Variants in SEPTIN10 observed in about 807,000 individuals in gnomAD.
The protein encoded by SEPTIN10 is septin-10.
A neutral mutation model predicts 54.8 loss-of-function variants in SEPTIN10; 66 were observed. The ratio of observed to expected loss-of-function variants is 1.21; its 90% CI spans 0.99 to 1.48. The LOEUF (loss-of-function observed/expected upper bound fraction) is 1.48, where lower values mean the gene tolerates loss of function less well. SEPTIN10 is among the 40% of genes most tolerant of loss of function. The pLI is 0.00. For missense variants in SEPTIN10, 620 were observed against 545.6 expected, an observed-to-expected ratio of 1.14 and a Z score of -1.36; for synonymous variants, 161 against 181.0, an observed-to-expected ratio of 0.89 and a Z score of 0.89.
chr2:109,612,106 A>G (rs367590384), intron 1 of SEPTIN10, among the ~76,000 whole-genome samples: 3 of 152,202 alleles, frequency 2.0e-5, no homozygotes, highest in East Asian at 3.8e-4. Flanking sequence ...ACTGTGGCAC[A>G]ATCATACCAT....
At chr2:109,606,510 T>A (rs1423401858) in intron 1 of SEPTIN10, among the ~76,000 whole-genome samples, 1 of 152,172 alleles carries the variant, frequency 6.6e-6, no homozygotes. Flanking sequence ...ATTACCATAG[T>A]GGACATAGTT....
intron 10 of SEPTIN10, chr2:109,544,712 A>G: frequency 1.2e-6 from 1 of 847,156 alleles, no homozygotes; most frequent in Non-Finnish European, 1.4e-6. Flanking sequence ...GTTGAAAAGC[A>G]GTAATAAATT....
At chr2:109,596,571 C>T (rs530973815) in intron 1 of SEPTIN10, among the ~76,000 whole-genome samples, 2 of 151,378 alleles carry the variant, frequency 1.3e-5, no homozygotes, top group Non-Finnish European at 2.9e-5. Context: ...GAGCAGAGAT[C>T]GCGCCGCTGC....
Position 109,565,900 on chromosome 2 carries a change from ATAAC to A in SEPTIN10, c.763-45_763-42del, listed in dbSNP as rs767252932. 77 of 1,467,232 alleles carry A rather than the reference ATAAC, an allele frequency of 5.2e-5. No homozygotes were observed. The Admixed American group carries it at 1.3e-3, about 24-fold the overall frequency. 90.9% of individuals were successfully genotyped at this position (1,467,232 alleles called of 1,614,324 possible). On this transcript the variant is annotated intron_variant, in intron 6 of 10. Coordinates refer to ENST00000397712, the MANE Select transcript of SEPTIN10 (RefSeq NM_144710.5). ...GAGCACATCTTCTCATACCACTGTG[ATAAC>A]TGACTAGATAAAATAAATTTTATGT...
rs756892026 is a variant in SEPTIN10 at position 109,567,939 on chromosome 2, A to G, written c.638T>C (p.Val213Ala). The G allele has an allele frequency of 6.2e-7, 1 of 1,613,638 alleles. No individual in the cohort carries two copies. The highest frequency in any genetic ancestry group is 8.5e-7 in the Non-Finnish European group (1 of 1,179,844). Reference protein sequence around the residue: ...IIPVIAKADTVSKTELQKFKI... With the variant: ...IIPVIAKADTASKTELQKFKI... ...AAACTTCTGTAATTCAGTTTTAGAA[A>G]CCGTATCTGCTTTGGCAATCACTGG... The change falls in exon 6 of 11, where the codon GTT (valine) becomes GCT (alanine). Residue 213 changes from valine to alanine, a missense_variant. Coordinates refer to ENST00000397712, the MANE Select transcript of SEPTIN10 (RefSeq NM_144710.5).
At chr2:109,584,351 T>C (rs1035835382) in intron 4 of SEPTIN10, among the ~76,000 whole-genome samples, 5 of 151,800 alleles carry the variant, frequency 3.3e-5, no homozygotes, top group Admixed American at 6.6e-5. Flanking sequence ...GGCAGGTGCC[T>C]GTAATCCTAG....
At chr2:109,562,911 C>CA (rs1686040546) in intron 8 of SEPTIN10, among the ~76,000 whole-genome samples, 1 of 145,858 alleles carries the variant, frequency 6.9e-6, no homozygotes, top group East Asian at 2.0e-4. Flanking sequence ...ACACACAATG[C>CA]TTTTTTTTTT....
intron 5 of SEPTIN10, 114 bp from the exon 6 acceptor site, chr2:109,568,090 C>A (rs543070725): frequency 1.3e-6 from 1 of 795,784 alleles, no homozygotes; most frequent in South Asian, 2.0e-5. Flanking sequence ...AAACCTAGAT[C>A]GGGGGGCTGG....
chr2:109,581,914 C>G (rs1489748722), intron 4 of SEPTIN10, among the ~76,000 whole-genome samples: 1 of 152,080 alleles, frequency 6.6e-6, no homozygotes, highest in African/African-American at 2.4e-5. Context: ...AATTTCATAC[C>G]TAGACAACTC....
intron 1 of SEPTIN10, among the ~76,000 whole-genome samples, chr2:109,609,338 G>C (rs903629428): frequency 6.6e-6 from 1 of 151,902 alleles, no homozygotes; most frequent in Non-Finnish European, 1.5e-5. Flanking sequence ...AGGATACAAA[G>C]AATAATACAG....
In SEPTIN10 at chr2:109,593,198, A is replaced by G. The variant is rs567612073; in HGVS notation, c.31-79T>C. On this transcript the variant is annotated intron_variant, in intron 1 of 10. Coordinates refer to ENST00000397712, the MANE Select transcript of SEPTIN10 (RefSeq NM_144710.5). ...CCCATTATCTGAATAATATATTTACATGAATAAGGTGTTATAATAATGTTG... is the reference window on the plus strand; with the variant it reads ...CCCATTATCTGAATAATATATTTACGTGAATAAGGTGTTATAATAATGTTG... 1.7e-5 allele frequency: 15 copies of G among 882,130 alleles called. No individual in the cohort carries two copies. The South Asian group carries it at 2.0e-4, about 12-fold the overall frequency. 54.6% of individuals were successfully genotyped at this position (882,130 alleles called of 1,614,324 possible).
chr2:109,585,712 G>A lies in SEPTIN10; in HGVS notation c.217+9C>T, dbSNP rs1573687423. ...GGAACAACTTAGAGGAAGAGTAGGTGGCACGTACCCACACAGAGAATATTA... is the reference window on the plus strand; with the variant it reads ...GGAACAACTTAGAGGAAGAGTAGGTAGCACGTACCCACACAGAGAATATTA... On this transcript the variant is annotated intron_variant, in intron 3 of 10. Coordinates refer to ENST00000397712, the MANE Select transcript of SEPTIN10 (RefSeq NM_144710.5). 6.4e-7 allele frequency: 1 copy of A among 1,571,008 alleles called. No homozygotes were observed. Among genetic ancestry groups the A allele is most frequent in the South Asian group, 1.1e-5 (1 of 90,196 alleles).
intron 9 of SEPTIN10, among the ~76,000 whole-genome samples, chr2:109,551,937 G>C (rs576896301): frequency 2.0e-5 from 3 of 152,138 alleles, no homozygotes; most frequent in African/African-American, 7.2e-5. Context: ...TAGACCAGGG[G>C]TCCCCAATCC....
intron 1 of SEPTIN10, chr2:109,605,032 C>T (rs897852019): frequency 6.6e-6 from 1 of 152,136 alleles, no homozygotes; most frequent in African/African-American, 2.4e-5. Flanking sequence ...TTGGATCCCT[C>T]AAAGAACTTT....
chr2:109,545,397 C>G, intron 10 of SEPTIN10: 2 of 1,535,244 alleles, frequency 1.3e-6, no homozygotes, highest in Non-Finnish European at 1.7e-6. Flanking sequence ...CAAACCTACA[C>G]GCCTTGCGAT....
intron 1 of SEPTIN10, 120 bp downstream of exon 1, chr2:109,613,678 G>C: frequency 1.5e-6 from 1 of 657,676 alleles, no homozygotes; most frequent in Non-Finnish European, 2.1e-6. Context: ...GGGCGGGCGG[G>C]GCCGGAGGGG....
intron 8 of SEPTIN10, among the ~76,000 whole-genome samples, chr2:109,562,370 G>GC: frequency 6.7e-6 from 1 of 149,044 alleles, no homozygotes. Flanking sequence ...ACTTCCACCT[G>GC]CCCCCCTCCC....
intron 1 of SEPTIN10, among the ~76,000 whole-genome samples, chr2:109,609,622 A>G (rs1698792231): frequency 6.6e-6 from 1 of 151,800 alleles, no homozygotes; most frequent in South Asian, 2.1e-4. Context: ...CCTCAAAAAA[A>G]AAAAAAAAAA....
intron 4 of SEPTIN10, among the ~76,000 whole-genome samples, chr2:109,581,312 C>T (rs1305176233): frequency 1.3e-5 from 2 of 152,028 alleles, no homozygotes; most frequent in Non-Finnish European, 2.9e-5. Context: ...TAGCGGGCAC[C>T]TGTAATCCCA....
Sources: gnomAD v4.1 joint callset for allele counts (sites outside exome capture counted in the v4.1 genomes callset) on GRCh38, gnomAD v4.1.1 for gene constraint, MANE v1.5 for transcripts, NCBI Gene and HGNC (gene_info 2026-07-23, HGNC 2026-07-21) for gene names.